Variants in COL6A5 observed in about 807,000 individuals in gnomAD.
The protein encoded by COL6A5 is collagen type VI alpha 5 chain.
In COL6A5, 48 loss-of-function variants were observed where a neutral mutation model predicts 65.6. The ratio of observed to expected loss-of-function variants is 0.73; its 90% CI spans 0.58 to 0.93. The LOEUF (loss-of-function observed/expected upper bound fraction) is 0.93, where lower values mean the gene tolerates loss of function less well. Among genes scored for constraint, COL6A5 ranks in the 40% least tolerant of loss-of-function variants. The pLI, the probability that COL6A5 is intolerant of heterozygous loss-of-function variation, is 0.00. For missense variants in COL6A5, 914 were observed against 928.3 expected (o/e 0.98, Z 0.20); for synonymous variants, 291 against 322.8 (o/e 0.90, Z 1.05).
chr3:130,348,594 T>C (rs1186329607), intron 1 of COL6A5, among the ~76,000 whole-genome samples: 4 of 152,246 alleles, frequency 2.6e-5, no homozygotes, highest in Non-Finnish European at 4.4e-5. Flanking sequence ...TGTGTGCATG[T>C]ATCTTTATAG....
chr3:130,443,637 A>G, intron 4 of COL6A5, 71 bp downstream of exon 36: 1 of 921,250 alleles, frequency 1.1e-6, no homozygotes, highest in South Asian at 1.4e-5. Flanking sequence ...GGTTAATAAC[A>G]CTTTATTAGG....
intron 5 of COL6A5, among the ~76,000 whole-genome samples, chr3:130,464,656 G>T (rs2107609806): frequency 6.6e-6 from 1 of 152,122 alleles, no homozygotes; most frequent in Admixed American, 6.5e-5. Context: ...GTTTTTGGTG[G>T]TGATGTGCAA....
chr3:130,406,337 T>G lies in COL6A5; in HGVS notation c.4479+16T>G. On this transcript the variant is annotated intron_variant and NMD_transcript_variant, in intron 17 of 41. Transcript: ENST00000312481. Reference sequence around the variant, plus strand: ...AGGATCTCAGGTAACACTTTTCTTTTCAATACTTCAAAGAAGGAGAATTTG... The same window carrying G: ...AGGATCTCAGGTAACACTTTTCTTTGCAATACTTCAAAGAAGGAGAATTTG... The G allele has an allele frequency of 6.5e-7, 1 of 1,535,688 alleles. No individual in the cohort carries two copies. Among genetic ancestry groups the G allele is most frequent in the Middle Eastern group, 1.8e-4 (1 of 5,642 alleles).
intron 1 of COL6A5, among the ~76,000 whole-genome samples, chr3:130,354,529 G>T (rs1267148757): frequency 1.3e-5 from 2 of 152,088 alleles, no homozygotes; most frequent in Admixed American, 6.6e-5. Context: ...AGAACTCAGG[G>T]CTCACTCCAA....
In COL6A5 at chr3:130,480,106, C is replaced by A. The variant is rs192084709; in HGVS notation, c.2329-3929C>A. Among the ~76,000 whole-genome samples the A allele has an allele frequency of 1.1e-3, 164 of 152,108 alleles. 1 individual carries two copies. The highest frequency in any genetic ancestry group is 3.7e-3 in the African/African-American group (155 of 41,538). ...TATTTATCAGTGCTTAAATATATAA[C>A]AATAGATATTAATAATTCTATCAAT... is the stretch of plus-strand genomic sequence containing the variant. On this transcript the variant is annotated intron_variant, in intron 7 of 7. Transcript: ENST00000512836.
chr3:130,397,841 T>C, exon 9 of COL6A5: 1 of 1,551,634 alleles, frequency 6.4e-7, no homozygotes. Flanking sequence ...CAAGTCAACG[T>C]CAGTGGGCCA....
intron 1 of COL6A5, among the ~76,000 whole-genome samples, chr3:130,347,127 A>G (rs1048432997): frequency 2.0e-5 from 3 of 152,200 alleles, no homozygotes; most frequent in African/African-American, 7.2e-5. Context: ...AACTTAAAAT[A>G]TGAAATCTAA....
exon 8 of COL6A5, chr3:130,484,095 C>A: frequency 6.3e-7 from 1 of 1,586,108 alleles, no homozygotes; most frequent in Non-Finnish European, 8.6e-7. Context: ...CATGTATAAT[C>A]CCATGTGGTT....
At chr3:130,384,055 G>A (rs959805852) in intron 4 of COL6A5, among the ~76,000 whole-genome samples, 3 of 152,034 alleles carry the variant, frequency 2.0e-5, no homozygotes, top group Admixed American at 6.6e-5. Context: ...TGACAGGTGT[G>A]CTTTAGATAA....
intron 20 of COL6A5, among the ~76,000 whole-genome samples, chr3:130,413,027 G>C (rs1211293255): frequency 4.6e-5 from 7 of 152,156 alleles, no homozygotes; most frequent in African/African-American, 1.4e-4. Context: ...AGGGTTTGAG[G>C]GGGTGATAAG....
Position 130,391,178 on chromosome 3 carries a change from G to T in COL6A5, c.2417-1G>T, listed in dbSNP as rs1399884448. 6.5e-7 allele frequency: 1 copy of T among 1,545,464 alleles called. No homozygotes were observed. On this transcript the variant is annotated splice_acceptor_variant and NMD_transcript_variant, in intron 6 of 41. Coordinates refer to the COL6A5 transcript ENST00000312481. ...TGACTCCTGTTTTCATCTTCTTTCA[G>T]ATTGTAAAAGGATTACACTACTAGA...
At chr3:130,408,167 CAG>C (rs927987755) in intron 17 of COL6A5, among the ~76,000 whole-genome samples, 2 of 151,744 alleles carry the variant, frequency 1.3e-5, no homozygotes, top group African/African-American at 2.4e-5. Flanking sequence ...CCGGACAGAA[CAG>C]AGTCATATTT....
chr3:130,440,308 T>G (rs372009916), exon 3 of COL6A5: 11 of 1,613,294 alleles, frequency 6.8e-6, no homozygotes, highest in Admixed American at 1.7e-5. Flanking sequence ...GCTCAGTGAT[T>G]GACAACTTCA....
intron 3 of COL6A5, among the ~76,000 whole-genome samples, chr3:130,441,607 G>A (rs1276567730): frequency 1.3e-5 from 2 of 152,142 alleles, no homozygotes; most frequent in Non-Finnish European, 2.9e-5. Context: ...CTCTATCACA[G>A]ATGGTTTGGA....
chr3:130,446,642 C>A (rs1214899174), intron 4 of COL6A5, among the ~76,000 whole-genome samples: 1 of 152,094 alleles, frequency 6.6e-6, no homozygotes, highest in African/African-American at 2.4e-5. Context: ...CGTCTGAGGG[C>A]AGTCTCTGAC....
At chr3:130,419,026 G>A (rs568484686) in intron 25 of COL6A5, 95 bp downstream of exon 25, 6 of 888,592 alleles carry the variant, frequency 6.8e-6, no homozygotes, top group African/African-American at 5.0e-5. Flanking sequence ...ATTATGGGGG[G>A]CATGAAAGGT....
At chr3:130,405,727 T>C (rs1396060184) in intron 14 of COL6A5, 68 bp downstream of exon 14, 26 of 1,273,498 alleles carry the variant, frequency 2.0e-5, no homozygotes, top group Non-Finnish European at 2.8e-5. Context: ...TCCCCATTCC[T>C]TTCCTCCCTC....
chr3:130,402,193 C>G (rs1039947919), intron 12 of COL6A5, among the ~76,000 whole-genome samples: 2 of 152,104 alleles, frequency 1.3e-5, no homozygotes, highest in Non-Finnish European at 2.9e-5. Flanking sequence ...GTAATCCCAG[C>G]TACTTGGGAG....
chr3:130,346,004 T>A, intron 1 of COL6A5, 23 bp downstream of exon 1: 1 of 398,662 alleles, frequency 2.5e-6, no homozygotes, highest in Non-Finnish European at 4.4e-6. Flanking sequence ...TGCGGGGACT[T>A]GGGGCCTGAG....
Sources: gnomAD v4.1 joint callset for allele counts (sites outside exome capture counted in the v4.1 genomes callset) on GRCh38, gnomAD v4.1.1 for gene constraint, MANE v1.5 for transcripts, NCBI Gene and HGNC (gene_info 2026-07-23, HGNC 2026-07-21) for gene names.